Variants in CDH12 observed in about 807,000 individuals in gnomAD.
The protein encoded by CDH12 is cadherin-12.
A neutral mutation model predicts 74.1 loss-of-function variants in CDH12; 41 were observed. The ratio of observed to expected loss-of-function variants is 0.55; its 90% CI spans 0.43 to 0.72. The LOEUF (loss-of-function observed/expected upper bound fraction) is 0.72, where lower values mean the gene tolerates loss of function less well. Among genes scored for constraint, CDH12 ranks in the 30% least tolerant of loss-of-function variants. CDH12 has a pLI of 0.00. For missense variants in CDH12, 945 were observed against 977.2 expected, an observed-to-expected ratio of 0.97 and a Z score of 0.44; for synonymous variants, 399 against 355.0, an observed-to-expected ratio of 1.12 and a Z score of -1.39.
At chr5:22,328,567 A>G (rs1203366603) in intron 3 of CDH12, among the ~76,000 whole-genome samples, 3 of 152,218 alleles carry the variant, frequency 2.0e-5, no homozygotes, top group Admixed American at 6.5e-5. Flanking sequence ...TTTAAACACT[A>G]GGTGAGAGTT....
At chr5:22,318,029 A>G (rs1458180540) in intron 3 of CDH12, among the ~76,000 whole-genome samples, 1 of 152,174 alleles carries the variant, frequency 6.6e-6, no homozygotes, top group Non-Finnish European at 1.5e-5. Flanking sequence ...TTAATTTACA[A>G]ATTCCTGAAC....
chr5:22,654,450 C>T (rs116770353), intron 1 of CDH12, among the ~76,000 whole-genome samples: 11,645 of 151,528 alleles, frequency 0.077, 620 homozygotes, highest in Non-Finnish European at 0.12. Context: ...CCTCCACCGC[C>T]GGCTAATTGT....
At chr5:22,042,866 G>A (rs887632420) in intron 5 of CDH12, among the ~76,000 whole-genome samples, 17 of 142,446 alleles carry the variant, frequency 1.2e-4, no homozygotes, top group Admixed American at 1.1e-3. Flanking sequence ...CTCCAGCCTA[G>A]GTGACAGAGT....
At position 22,494,898 on chromosome 5, in the gene CDH12, A is replaced by T. The variant is rs149527983; in HGVS notation, c.-428+10372T>A. Among the ~76,000 whole-genome samples the T allele has an allele frequency of 3.3e-5, 5 of 152,350 alleles. No individual in the cohort carries two copies. The East Asian group carries it at 9.6e-4, about 29-fold the overall frequency. On this transcript the variant is annotated intron_variant, in intron 2 of 14. Transcript: ENST00000382254. ...GTGTAGTGATACCCCGGATACATTC[A>T]TGCGTACCTTTAATATTCCCTATCG... is the stretch of plus-strand genomic sequence containing the variant.
At chr5:22,462,691 G>T (rs753269715) in intron 2 of CDH12, among the ~76,000 whole-genome samples, 1 of 152,112 alleles carries the variant, frequency 6.6e-6, no homozygotes, top group Non-Finnish European at 1.5e-5. Flanking sequence ...AACAAATTCT[G>T]CCCATGGGAA....
intron 5 of CDH12, among the ~76,000 whole-genome samples, chr5:22,056,440 T>G (rs895824332): frequency 1.2e-4 from 18 of 152,170 alleles, no homozygotes; most frequent in Admixed American, 9.2e-4. Context: ...TCCAAACACA[T>G]GGATACATTT....
intron 3 of CDH12, among the ~76,000 whole-genome samples, chr5:22,328,131 C>A (rs1739201142): frequency 6.6e-6 from 1 of 152,050 alleles, no homozygotes; most frequent in Admixed American, 6.6e-5. Flanking sequence ...TCCTGGGCCA[C>A]CAAATGTAGA....
At chr5:22,603,400 G>A (rs1271317648) in intron 1 of CDH12, among the ~76,000 whole-genome samples, 1 of 152,178 alleles carries the variant, frequency 6.6e-6, no homozygotes, top group Non-Finnish European at 1.5e-5. Context: ...AGTGGCAGTA[G>A]ATTAAAAGAA....
intron 1 of CDH12, among the ~76,000 whole-genome samples, chr5:22,643,219 C>G (rs190848376): frequency 4.5e-4 from 69 of 152,172 alleles, no homozygotes; most frequent in African/African-American, 1.7e-3. Context: ...TTTCTCAGCC[C>G]ATAAGTCTGT....
chr5:22,123,529 T>G (rs1332660812), intron 4 of CDH12, among the ~76,000 whole-genome samples: 1 of 152,210 alleles, frequency 6.6e-6, no homozygotes, highest in Non-Finnish European at 1.5e-5. Context: ...TTCGATTTAT[T>G]TTGAGGTCTA....
chr5:21,894,067 T>C (rs576550371), intron 6 of CDH12, among the ~76,000 whole-genome samples: 1 of 152,214 alleles, frequency 6.6e-6, no homozygotes, highest in African/African-American at 2.4e-5. Flanking sequence ...AAGTATAGAA[T>C]GGTACTAGCA....
chr5:21,967,718 G>A (rs183933913), intron 6 of CDH12, among the ~76,000 whole-genome samples: 275 of 152,222 alleles, frequency 1.8e-3, no homozygotes, highest in African/African-American at 6.4e-3. Context: ...AGTGTCAATA[G>A]CATTACCTTT....
chr5:22,752,001 G>T (rs990342450), intron 1 of CDH12, among the ~76,000 whole-genome samples: 3 of 152,224 alleles, frequency 2.0e-5, no homozygotes, highest in Non-Finnish European at 4.4e-5. Flanking sequence ...AACAAAGTGA[G>T]CTCACAGATG....
intron 8 of CDH12, among the ~76,000 whole-genome samples, chr5:21,840,668 A>G (rs1749790071): frequency 6.6e-6 from 1 of 152,096 alleles, no homozygotes; most frequent in Non-Finnish European, 1.5e-5. Flanking sequence ...ATATAGATCA[A>G]TGGAACAGAA....
chr5:22,350,695 T>C (rs1740323250), intron 3 of CDH12, among the ~76,000 whole-genome samples: 1 of 152,218 alleles, frequency 6.6e-6, no homozygotes, highest in African/African-American at 2.4e-5. Flanking sequence ...CAATTATAGA[T>C]AACATTTCAA....
At chr5:22,768,828 G>A (rs1416724193) in intron 1 of CDH12, among the ~76,000 whole-genome samples, 1 of 152,092 alleles carries the variant, frequency 6.6e-6, no homozygotes, top group East Asian at 1.9e-4. Context: ...TCCTATAATT[G>A]TGGGAAATTT....
intron 1 of CDH12, among the ~76,000 whole-genome samples, chr5:22,779,372 T>C (rs766323278): frequency 1.3e-4 from 19 of 149,744 alleles, no homozygotes; most frequent in Admixed American, 2.7e-4. Context: ...ATGGAGATTT[T>C]GGTCATGTGT....
chr5:22,409,595 C>A (rs1743095514), intron 2 of CDH12, among the ~76,000 whole-genome samples: 2 of 151,944 alleles, frequency 1.3e-5, no homozygotes, highest in Admixed American at 1.3e-4. Context: ...ATGTTAACAA[C>A]CAATGGTGAG....
rs537950952 is a variant in CDH12, at chr5:21,807,860, A to T, written c.1003-5440T>A. On this transcript the variant is annotated intron_variant, in intron 9 of 14. Coordinates refer to ENST00000382254, the MANE Select transcript of CDH12 (RefSeq NM_004061.5). ...TAATGGAAAAATAAGTTGTGCATAT[A>T]TAATTAGGGTCCCTAATCACTTGAC... 3.3e-3 allele frequency among the ~76,000 whole-genome samples: 502 copies of T among 152,232 alleles called. 2 individuals are homozygous for T. Among genetic ancestry groups the T allele is most frequent in the African/African-American group, 0.012 (478 of 41,550 alleles).
Sources: allele counts gnomAD v4.1 joint callset (sites outside exome capture counted in the v4.1 genomes callset), GRCh38; gene constraint gnomAD v4.1.1; transcripts MANE v1.5; gene names NCBI Gene and HGNC (gene_info 2026-07-23, HGNC 2026-07-21).